Variants in PDE4D observed in about 807,000 individuals in gnomAD.
The protein encoded by PDE4D is 3',5'-cyclic-AMP phosphodiesterase 4D.
A neutral mutation model predicts 87.4 loss-of-function variants in PDE4D; 24 were observed. The ratio of observed to expected loss-of-function variants is 0.27; its 90% CI spans 0.20 to 0.39. PDE4D has a LOEUF of 0.39. Among genes scored for constraint, PDE4D ranks in the 10% least tolerant of loss-of-function variants. PDE4D has a pLI of 1.00. For synonymous variants in PDE4D, 384 were observed against 383.2 expected (o/e 1.00, Z -0.02); for missense variants, 714 against 1,041.0 (o/e 0.69, Z 4.32).
intron 1 of PDE4D, among the ~76,000 whole-genome samples, chr5:59,580,967 T>C (rs1824021088): frequency 1.3e-5 from 2 of 152,106 alleles, no homozygotes; most frequent in Middle Eastern, 3.2e-3. Flanking sequence ...TGGAGAGATA[T>C]ATATGTATAA....
chr5:59,141,991 G>A (rs757585364), intron 5 of PDE4D, among the ~76,000 whole-genome samples: 1 of 152,016 alleles, frequency 6.6e-6, no homozygotes, highest in Non-Finnish European at 1.5e-5. Flanking sequence ...CCTTACCCAC[G>A]TTACTTCCAA....
At chr5:59,865,633 A>T (rs1746901734) in intron 1 of PDE4D, among the ~76,000 whole-genome samples, 1 of 152,222 alleles carries the variant, frequency 6.6e-6, no homozygotes, top group Non-Finnish European at 1.5e-5. Flanking sequence ...TTGTATCTAA[A>T]TTGTCAGGTC....
chr5:59,655,260 T>C (rs1744169965), intron 1 of PDE4D, among the ~76,000 whole-genome samples: 1 of 152,218 alleles, frequency 6.6e-6, no homozygotes, highest in African/African-American at 2.4e-5. Context: ...AGTTGTTTAA[T>C]GAATTAACAC....
At chr5:59,090,814 T>C (rs1367140413) in intron 5 of PDE4D, among the ~76,000 whole-genome samples, 5 of 148,078 alleles carry the variant, frequency 3.4e-5, no homozygotes, top group Admixed American at 6.7e-5. Flanking sequence ...TTTCTTTTTT[T>C]TTTTTTTTTT....
intron 1 of PDE4D, among the ~76,000 whole-genome samples, chr5:60,228,067 A>G (rs563926142): frequency 5.4e-4 from 82 of 151,556 alleles, no homozygotes; most frequent in African/African-American, 1.9e-3. Flanking sequence ...CTTCTACTCT[A>G]CTCTCCTTGC....
At chr5:60,109,053 T>C (rs1329235562) in intron 2 of PDE4D, among the ~76,000 whole-genome samples, 2 of 151,508 alleles carry the variant, frequency 1.3e-5, no homozygotes, top group Non-Finnish European at 3.0e-5. Context: ...CAAAAGAAAC[T>C]ACCATCAGAG....
intron 1 of PDE4D, among the ~76,000 whole-genome samples, chr5:59,613,984 A>C (rs1288917835): frequency 2.0e-5 from 3 of 152,146 alleles, no homozygotes; most frequent in Admixed American, 1.3e-4. Flanking sequence ...CTTTTTTCTT[A>C]ATTTTTTTAC....
intron 2 of PDE4D, among the ~76,000 whole-genome samples, chr5:60,033,474 G>T (rs909998090): frequency 1.3e-5 from 2 of 152,090 alleles, no homozygotes; most frequent in African/African-American, 4.8e-5. Context: ...TTTTAAAAGG[G>T]TGAATTTTAT....
At chr5:60,431,924 C>A (rs1744356582) in intron 1 of PDE4D, among the ~76,000 whole-genome samples, 1 of 152,224 alleles carries the variant, frequency 6.6e-6, no homozygotes, top group African/African-American at 2.4e-5. Flanking sequence ...AATACGAAAA[C>A]CTGTCAGGTG....
chr5:59,816,349 GA>G (rs1418716442), intron 1 of PDE4D, among the ~76,000 whole-genome samples: 1 of 152,002 alleles, frequency 6.6e-6, no homozygotes, highest in African/African-American at 2.4e-5. Context: ...TTCTCATCTG[GA>G]AAATGGCGAT....
chr5:59,408,409 G>C (rs994657415), intron 1 of PDE4D, among the ~76,000 whole-genome samples: 1 of 152,154 alleles, frequency 6.6e-6, no homozygotes, highest in African/African-American at 2.4e-5. Context: ...AGAAAGCCTG[G>C]GTGTCCAGGC....
chr5:59,912,520 G>A (rs1256669100), intron 3 of PDE4D, among the ~76,000 whole-genome samples: 1 of 152,052 alleles, frequency 6.6e-6, no homozygotes, highest in African/African-American at 2.4e-5. Flanking sequence ...AAAAACAACT[G>A]GGCATATAAC....
At chr5:59,886,480 C>G (rs993041684) in intron 1 of PDE4D, among the ~76,000 whole-genome samples, 1 of 151,578 alleles carries the variant, frequency 6.6e-6, no homozygotes, top group Non-Finnish European at 1.5e-5. Flanking sequence ...TCGCGCCATT[C>G]CACTCCAGCT....
chr5:59,855,941 T>C (rs1365701209), intron 1 of PDE4D, among the ~76,000 whole-genome samples: 1 of 152,148 alleles, frequency 6.6e-6, no homozygotes, highest in Non-Finnish European at 1.5e-5. Flanking sequence ...TCTTTTTTTC[T>C]GGTTTGTTCA....
Position 59,121,264 on chromosome 5 carries a change from C to A in PDE4D, c.808+59331G>T, listed in dbSNP as rs139401406. Among the ~76,000 whole-genome samples, 832 of 152,166 alleles carry A rather than the reference C, an allele frequency of 5.5e-3. 2 individuals are homozygous for A. Among genetic ancestry groups the A allele is most frequent in the African/African-American group, 0.019 (778 of 41,518 alleles). The stretch of plus-strand genomic sequence containing the variant: ...GCAAACAATCAAGAGAGTGAAGAGA[C>A]AATCTATTAAATGGGAGAAAATATT... On this transcript the variant is annotated intron_variant, in intron 5 of 14. Transcript: ENST00000340635.
rs149591830 is a variant in PDE4D at position 60,105,577 on chromosome 5, G to C, written c.42+79980C>G. On this transcript the variant is annotated intron_variant, in intron 2 of 16. Coordinates refer to the PDE4D transcript ENST00000502484. ...CATAATTGTCAGATTCACCAAAGTT[G>C]AAATGAAGGAAAAAATGTTAAGGGC... 8.6e-4 allele frequency among the ~76,000 whole-genome samples: 131 copies of C among 152,210 alleles called. 3 individuals are homozygous for C. In the East Asian group the frequency reaches 0.019, roughly 22 times the overall value.
At chr5:59,430,203 C>T (rs1366576304) in intron 1 of PDE4D, 1 of 1,136,122 alleles carries the variant, frequency 8.8e-7, no homozygotes. Context: ...CACCCTGACC[C>T]TCCCATTTCA....
intron 5 of PDE4D, among the ~76,000 whole-genome samples, chr5:59,071,683 C>CTTTTTTTTTTTTTTTT (rs10701223): frequency 1.1e-4 from 9 of 82,398 alleles, no homozygotes; most frequent in Non-Finnish European, 1.5e-4. Flanking sequence ...TATTTCTCTT[C>CTTTTTTTTTTTTTTTT]TTTTTTTTTT....
intron 1 of PDE4D, chr5:59,275,802 G>T (rs893944031): frequency 5.1e-6 from 5 of 988,214 alleles, no homozygotes; most frequent in Non-Finnish European, 1.2e-6. Flanking sequence ...CTCGAAGAGC[G>T]CAGGTAGAGA....
Sources: gnomAD v4.1 joint callset for allele counts (sites outside exome capture counted in the v4.1 genomes callset) on GRCh38, gnomAD v4.1.1 for gene constraint, MANE v1.5 for transcripts, NCBI Gene and HGNC (gene_info 2026-07-23, HGNC 2026-07-21) for gene names.